Variants in ARHGAP12 observed in about 807,000 individuals in gnomAD.
ARHGAP12 encodes rho GTPase-activating protein 12.
ARHGAP12 carries 64 observed loss-of-function variants against 108.6 expected under a neutral mutation model. That is an observed-to-expected ratio of 0.59 (90% CI 0.48 to 0.73). ARHGAP12 has a LOEUF of 0.73. Ranked by LOEUF, ARHGAP12 falls within the 30% of genes least tolerant of loss-of-function variation. ARHGAP12 has a pLI of 0.00. For missense variants in ARHGAP12, 940 were observed against 1,005.9 expected (o/e 0.93, Z 0.89); for synonymous variants, 312 against 337.2 (o/e 0.93, Z 0.82).
chr10:31,819,589 T>C (rs1835334960), intron 12 of ARHGAP12, among the ~76,000 whole-genome samples: 2 of 152,200 alleles, frequency 1.3e-5, no homozygotes, highest in Non-Finnish European at 2.9e-5. Flanking sequence ...TGAGAAGCCC[T>C]GCAGGTTCCA....
chr10:31,894,741 A>G (rs1838605827), intron 3 of ARHGAP12, among the ~76,000 whole-genome samples: 1 of 152,222 alleles, frequency 6.6e-6, no homozygotes, highest in African/African-American at 2.4e-5. Context: ...AGAATTGGAA[A>G]AAACTACTTT....
intron 3 of ARHGAP12, among the ~76,000 whole-genome samples, chr10:31,905,161 C>T (rs1839077560): frequency 6.6e-6 from 1 of 152,000 alleles, no homozygotes; most frequent in Non-Finnish European, 1.5e-5. Context: ...TATTTACACC[C>T]TTGCTATGCT....
intron 12 of ARHGAP12, 103 bp downstream of exon 12, chr10:31,820,284 T>G (rs1300746683): frequency 4.7e-6 from 4 of 856,676 alleles, no homozygotes; most frequent in Admixed American, 7.0e-5. Context: ...CAACTTTGCC[T>G]TAACTAGTCA....
chr10:31,898,855 A>G (rs560124209), intron 3 of ARHGAP12, among the ~76,000 whole-genome samples: 83 of 152,246 alleles, frequency 5.5e-4, no homozygotes, highest in African/African-American at 1.9e-3. Flanking sequence ...ATAGTGTAAC[A>G]ACAACAAACA....
At chr10:31,907,843 A>G (rs1839199142) in intron 3 of ARHGAP12, among the ~76,000 whole-genome samples, 1 of 152,326 alleles carries the variant, frequency 6.6e-6, no homozygotes, top group African/African-American at 2.4e-5. Flanking sequence ...AATTTTTTCT[A>G]TTAGAAGAAA....
intron 3 of ARHGAP12, among the ~76,000 whole-genome samples, chr10:31,892,914 T>A (rs945151998): frequency 3.3e-5 from 5 of 152,258 alleles, no homozygotes; most frequent in South Asian, 2.1e-4. Flanking sequence ...CAGACCACAG[T>A]GCAATCAAAC....
At chr10:31,863,426 A>T (rs1233849940) in intron 3 of ARHGAP12, among the ~76,000 whole-genome samples, 2 of 152,184 alleles carry the variant, frequency 1.3e-5, no homozygotes, top group African/African-American at 4.8e-5. Flanking sequence ...TGGGGAAATA[A>T]AGATGCTAAG....
chr10:31,854,617 C>CAA (rs1836818386), intron 4 of ARHGAP12, among the ~76,000 whole-genome samples: 1 of 152,144 alleles, frequency 6.6e-6, no homozygotes, highest in Non-Finnish European at 1.5e-5. Context: ...TCATGTACCA[C>CAA]AAGCATATAG....
At chr10:31,927,852 G>C (rs1421426386) in intron 1 of ARHGAP12, among the ~76,000 whole-genome samples, 1 of 152,230 alleles carries the variant, frequency 6.6e-6, no homozygotes, top group African/African-American at 2.4e-5. Context: ...AACGCGTAAA[G>C]GACAGCCGTT....
chr10:31,809,478 G>A (rs1834937186), intron 16 of ARHGAP12, 171 bp from the exon 17 acceptor site: 1 of 606,756 alleles, frequency 1.6e-6, no homozygotes, highest in Admixed American at 2.8e-5. Context: ...AGGGGAGAGA[G>A]ATGGAGATTC....
chr10:31,847,666 G>A (rs1836512221), intron 6 of ARHGAP12, among the ~76,000 whole-genome samples: 1 of 152,088 alleles, frequency 6.6e-6, no homozygotes, highest in Non-Finnish European at 1.5e-5. Flanking sequence ...CCTTGTTGCT[G>A]TTGTCCATTT....
In ARHGAP12 at chr10:31,908,371, T is replaced by C. The variant is rs752655817; in HGVS notation, c.485A>G (p.Asp162Gly). 2.5e-6 allele frequency: 4 copies of C among 1,614,076 alleles called. No homozygotes were observed. In the East Asian group the frequency reaches 8.9e-5, roughly 36 times the overall value. Reference protein sequence around the residue: ...LTHNNGKFNNDSHSPKVSSQN... With the variant: ...LTHNNGKFNNGSHSPKVSSQN... Reference sequence around the variant, plus strand: ...GCTGGAAACTTTAGGAGAATGTGAGTCATTGTTAAACTTTCCGTTATTATG... The same window carrying C: ...GCTGGAAACTTTAGGAGAATGTGAGCCATTGTTAAACTTTCCGTTATTATG... The change falls in exon 3 of 20, where the codon GAC becomes GGC. Residue 162 changes from aspartate to glycine, a missense_variant. Physicochemically the swap from Asp to Gly is moderately conservative, Grantham distance 94. Coordinates refer to ENST00000344936, the MANE Select transcript of ARHGAP12 (RefSeq NM_018287.7).
intron 6 of ARHGAP12, among the ~76,000 whole-genome samples, chr10:31,850,200 G>C (rs560013425): frequency 6.6e-6 from 1 of 151,936 alleles, no homozygotes; most frequent in Non-Finnish European, 1.5e-5. Flanking sequence ...TCTGTCAAGC[G>C]GAACAAAAAA....
At chr10:31,926,688 C>T (rs1041763058) in intron 1 of ARHGAP12, among the ~76,000 whole-genome samples, 1 of 152,156 alleles carries the variant, frequency 6.6e-6, no homozygotes, top group Non-Finnish European at 1.5e-5. Flanking sequence ...ATATCACTTA[C>T]GTAGAGTACT....
chr10:31,886,979 T>C (rs369475911), intron 3 of ARHGAP12, among the ~76,000 whole-genome samples: 159 of 152,336 alleles, frequency 1.0e-3, no homozygotes, highest in African/African-American at 3.5e-3. Context: ...TCCGTAGCTA[T>C]ACCCTGTGTA....
At chr10:31,925,636 C>T (rs947702384) in intron 1 of ARHGAP12, among the ~76,000 whole-genome samples, 1 of 152,198 alleles carries the variant, frequency 6.6e-6, no homozygotes, top group East Asian at 1.9e-4. Flanking sequence ...ATTACAGGCT[C>T]TAGCCCTAGA....
intron 4 of ARHGAP12, among the ~76,000 whole-genome samples, chr10:31,856,174 A>C (rs746252354): frequency 3.0e-4 from 46 of 152,044 alleles, no homozygotes; most frequent in Non-Finnish European, 6.3e-4. Flanking sequence ...TGTTACATAA[A>C]ATTTTTTTTA....
intron 3 of ARHGAP12, among the ~76,000 whole-genome samples, chr10:31,891,594 G>A (rs1016043943): frequency 2.9e-5 from 4 of 138,166 alleles, no homozygotes; most frequent in African/African-American, 5.1e-5. Flanking sequence ...TCTCTGTGGC[G>A]TTCTCTGTAT....
intron 3 of ARHGAP12, among the ~76,000 whole-genome samples, chr10:31,881,487 T>C (rs1007927137): frequency 6.6e-6 from 1 of 152,222 alleles, no homozygotes; most frequent in Admixed American, 6.5e-5. Flanking sequence ...GGGTCTCGAA[T>C]AGAAGTCCAC....
Sources: allele counts gnomAD v4.1 joint callset (sites outside exome capture counted in the v4.1 genomes callset), GRCh38; gene constraint gnomAD v4.1.1; transcripts MANE v1.5; gene names NCBI Gene and HGNC (gene_info 2026-07-23, HGNC 2026-07-21).